PPP1R13B: variants seen among roughly 807,000 people sequenced by gnomAD.
The protein encoded by PPP1R13B is apoptosis-stimulating of p53 protein 1.
Under a neutral mutation model 119.8 loss-of-function variants are expected in PPP1R13B, and 44 were observed. The ratio of observed to expected loss-of-function variants is 0.37; its 90% CI spans 0.29 to 0.47. The LOEUF is 0.47. Ranked by LOEUF, PPP1R13B falls within the 20% of genes least tolerant of loss-of-function variation. The pLI is 0.99. For missense variants in PPP1R13B, 1,227 were observed against 1,413.5 expected (o/e 0.87, Z 2.12); for synonymous variants, 542 against 561.5 (o/e 0.97, Z 0.49).
chr14:103,829,139 A>G (rs1040721948), intron 1 of PPP1R13B, among the ~76,000 whole-genome samples: 22 of 152,118 alleles, frequency 1.4e-4, no homozygotes, highest in Non-Finnish European at 2.6e-4. Context: ...TAACAGTATT[A>G]ATTAAATGCT....
At chr14:103,808,662 G>A (rs985832466) in intron 1 of PPP1R13B, among the ~76,000 whole-genome samples, 2 of 151,974 alleles carry the variant, frequency 1.3e-5, no homozygotes, top group African/African-American at 4.8e-5. Context: ...AAATTTTAGG[G>A]ATGAAGAATT....
intron 1 of PPP1R13B, among the ~76,000 whole-genome samples, chr14:103,816,067 G>A (rs1218898584): frequency 6.6e-6 from 1 of 151,926 alleles, no homozygotes; most frequent in African/African-American, 2.4e-5. Context: ...CTGGGCAGCA[G>A]AGCAAGACTC....
intron 1 of PPP1R13B, among the ~76,000 whole-genome samples, chr14:103,802,299 ACT>A (rs1179951386): frequency 6.6e-6 from 1 of 152,092 alleles, no homozygotes; most frequent in Non-Finnish European, 1.5e-5. Context: ...AAAGAGTGAG[ACT>A]CTGTCTCAAA....
Position 103,742,834 on chromosome 14 carries a change from A to G in PPP1R13B, c.1151-11T>C, listed in dbSNP as rs370344932. 1 of 1,613,760 alleles carries G rather than the reference A, an allele frequency of 6.2e-7. No individual in the cohort carries two copies. The highest frequency in any genetic ancestry group is 8.5e-7 in the Non-Finnish European group (1 of 1,179,908). On this transcript the variant is annotated splice_polypyrimidine_tract_variant and intron_variant, in intron 9 of 16. Coordinates refer to ENST00000202556, the MANE Select transcript of PPP1R13B (RefSeq NM_015316.3). This position sits in a 1 kb window ranked among gnomAD's most constrained non-coding sequence, Gnocchi z 4.9. ...AGTTTCCATCATTAGCTTGAAAAGA[A>G]CACAGAACTTACGTAAAACTTTTCT...
chr14:103,809,785 T>C (rs894916754), intron 1 of PPP1R13B, among the ~76,000 whole-genome samples: 2 of 150,676 alleles, frequency 1.3e-5, no homozygotes, highest in Admixed American at 6.6e-5. Flanking sequence ...ATCAAACCAC[T>C]GCACTCCAGC....
At chr14:103,833,463 G>T (rs2086704892) in intron 1 of PPP1R13B, among the ~76,000 whole-genome samples, 1 of 152,018 alleles carries the variant, frequency 6.6e-6, no homozygotes, top group Non-Finnish European at 1.5e-5. Flanking sequence ...GGCCAACATG[G>T]TGAAACGCTG....
intron 16 of PPP1R13B, among the ~76,000 whole-genome samples, chr14:103,735,589 A>C (rs1046335002): frequency 9.9e-5 from 15 of 152,212 alleles, no homozygotes; most frequent in Non-Finnish European, 1.8e-4. Flanking sequence ...CCTCTGCCAG[A>C]GGACTGAGGG....
chr14:103,820,424 G>C (rs904348385), intron 1 of PPP1R13B, among the ~76,000 whole-genome samples: 1 of 146,818 alleles, frequency 6.8e-6, no homozygotes, highest in Non-Finnish European at 1.5e-5. Context: ...TAGCACTCAG[G>C]ATGTTCTCAC....
chr14:103,818,226 CTA>C (rs1350604875), intron 1 of PPP1R13B, among the ~76,000 whole-genome samples: 10 of 152,184 alleles, frequency 6.6e-5, no homozygotes, highest in Non-Finnish European at 1.3e-4. Context: ...CCTTCCCACT[CTA>C]TGAGTTCCCA....
chr14:103,803,323 C>T, intron 1 of PPP1R13B, among the ~76,000 whole-genome samples: 1 of 152,156 alleles, frequency 6.6e-6, no homozygotes, highest in South Asian at 2.1e-4. Context: ...TACGTTTATC[C>T]TTCCTAAATG....
chr14:103,824,539 T>C (rs1013844687), intron 1 of PPP1R13B, among the ~76,000 whole-genome samples: 2 of 150,726 alleles, frequency 1.3e-5, no homozygotes, highest in Non-Finnish European at 3.0e-5. Context: ...ACTAAAAAAG[T>C]ACAAAAATTA....
rs1254527563 is a variant in PPP1R13B at position 103,774,429 on chromosome 14, G to A, written c.354+4316C>T. On this transcript the variant is annotated intron_variant, in intron 4 of 16. Transcript: ENST00000202556. ...GTCCTGAGTGGTCCTAGCAAACCAC[G>A]GAACCTGGGGACATCTTGGAAGCTT... Among the ~76,000 whole-genome samples, 5 of 152,162 alleles carry A rather than the reference G, an allele frequency of 3.3e-5. No homozygotes were observed. The East Asian group carries it at 5.8e-4, about 18-fold the overall frequency.
intron 1 of PPP1R13B, among the ~76,000 whole-genome samples, chr14:103,821,643 C>T (rs1226743219): frequency 2.0e-5 from 3 of 151,972 alleles, no homozygotes; most frequent in Non-Finnish European, 2.9e-5. Context: ...CCCAGATACT[C>T]GGGAGGCTAA....
At chr14:103,775,577 T>A (rs1277665486) in intron 4 of PPP1R13B, among the ~76,000 whole-genome samples, 1 of 152,160 alleles carries the variant, frequency 6.6e-6, no homozygotes, top group East Asian at 1.9e-4. Context: ...GCCCGTCCCA[T>A]GGTAAATCTT....
At chr14:103,815,189 CATATT>C (rs1267326339) in intron 1 of PPP1R13B, among the ~76,000 whole-genome samples, 1 of 152,064 alleles carries the variant, frequency 6.6e-6, no homozygotes, top group East Asian at 1.9e-4. Context: ...AAAATGTTCA[CATATT>C]ATATGATTCT....
At chr14:103,805,067 G>A (rs978119387) in intron 1 of PPP1R13B, among the ~76,000 whole-genome samples, 1 of 151,994 alleles carries the variant, frequency 6.6e-6, no homozygotes, top group African/African-American at 2.4e-5. Context: ...GAACTCCTGA[G>A]CTCACGTGAT....
chr14:103,836,289 G>A (rs921325013), intron 1 of PPP1R13B, among the ~76,000 whole-genome samples: 53 of 150,606 alleles, frequency 3.5e-4, no homozygotes, highest in African/African-American at 1.2e-3. Context: ...CAGGTGATCC[G>A]CCTGCCTTGG....
chr14:103,744,814 C>T (rs1482160247), intron 9 of PPP1R13B, among the ~76,000 whole-genome samples: 1 of 152,198 alleles, frequency 6.6e-6, no homozygotes, highest in Non-Finnish European at 1.5e-5. Context: ...AGCTGCTGCC[C>T]CGACTCTGAA....
chr14:103,788,126 G>GAAAA (rs113823420), intron 2 of PPP1R13B, among the ~76,000 whole-genome samples: 23 of 142,500 alleles, frequency 1.6e-4, no homozygotes, highest in Non-Finnish European at 2.6e-4. Context: ...AGAGAAAAAT[G>GAAAA]AAAAAAAAAA....
Sources: allele counts gnomAD v4.1 joint callset (sites outside exome capture counted in the v4.1 genomes callset), GRCh38; gene constraint gnomAD v4.1.1; non-coding constraint Gnocchi (gnomAD v3.1); transcripts MANE v1.5; gene names NCBI Gene and HGNC (gene_info 2026-07-23, HGNC 2026-07-21).